ZNF43: variants seen among roughly 807,000 people sequenced by gnomAD.
ZNF43 encodes the protein zinc finger protein 39-like 1 (KOX 27).
Under a neutral mutation model 68.4 loss-of-function variants are expected in ZNF43, and 44 were observed. That is an observed-to-expected ratio of 0.64 (90% CI 0.51 to 0.83). ZNF43 has a LOEUF of 0.83. Ranked by LOEUF, ZNF43 falls within the 40% of genes least tolerant of loss-of-function variation. The pLI is 0.00. For synonymous variants in ZNF43, 308 were observed against 307.8 expected, an observed-to-expected ratio of 1.00 and a Z score of -0.01; for missense variants, 896 against 933.2, an observed-to-expected ratio of 0.96 and a Z score of 0.52.
At chr19:21,835,881 G>C (rs2038698044) in intron 1 of ZNF43, among the ~76,000 whole-genome samples, 155 bp downstream of exon 1, 1 of 152,218 alleles carries the variant, frequency 6.6e-6, no homozygotes, top group South Asian at 2.1e-4. Flanking sequence ...GCCCGGGGCT[G>C]CCTCCCAGAG....
chr19:21,832,266 A>G (rs2038457509), intron 1 of ZNF43, among the ~76,000 whole-genome samples: 3 of 152,202 alleles, frequency 2.0e-5, no homozygotes, highest in Admixed American at 2.0e-4. Context: ...CAAAGCTTAC[A>G]AGAGAAATGT....
intron 1 of ZNF43, among the ~76,000 whole-genome samples, chr19:21,822,915 T>C (rs1380188604): frequency 6.6e-6 from 1 of 152,226 alleles, no homozygotes; most frequent in East Asian, 1.9e-4. Context: ...TGTGTAATTT[T>C]AATCTTTTTT....
Position 21,809,360 on chromosome 19 carries a change from C to A in ZNF43, c.677G>T (p.Gly226Val). ...TTCTTCACATGTGTAGGGTTTCTCT[C>A]CAGTATTAATTCTCTTATGTTTAGT... ...IITKHKRINT[G>V]EKPYTCEECG... The change falls in exon 4 of 4, where the codon GGA (glycine) becomes GTA (valine). Residue 226 changes from glycine (G) to valine (V), a missense_variant. Coordinates refer to ENST00000354959, the MANE Select transcript of ZNF43 (RefSeq NM_003423.4). 6.2e-7 allele frequency: 1 copy of A among 1,613,620 alleles called. No individual in the cohort carries two copies. The highest frequency in any genetic ancestry group is 8.5e-7 in the Non-Finnish European group (1 of 1,179,866).
At chr19:21,812,003 T>C (rs2037297169) in intron 3 of ZNF43, 1 of 398,442 alleles carries the variant, frequency 2.5e-6, no homozygotes, top group Non-Finnish European at 4.4e-6. Flanking sequence ...AACTACACTA[T>C]ACCTCGAAAT....
chr19:21,851,844 C>G, intron 1 of ZNF43: 1 of 1,512,848 alleles, frequency 6.6e-7, no homozygotes, highest in Non-Finnish European at 8.9e-7. Flanking sequence ...GTGAGGAGGC[C>G]GGTCCCGCCA....
intron 1 of ZNF43, among the ~76,000 whole-genome samples, 157 bp downstream of exon 1, chr19:21,835,879 C>A (rs1022770338): frequency 6.6e-6 from 1 of 152,218 alleles, no homozygotes; most frequent in South Asian, 2.1e-4. Flanking sequence ...ACGCCCGGGG[C>A]TGCCTCCCAG....
chr19:21,840,885 C>G (rs930204522), upstream of ZNF43: 11 of 152,264 alleles, frequency 7.2e-5, no homozygotes, highest in Admixed American at 7.2e-4. Flanking sequence ...TTGGCTGGGT[C>G]TAGAGAAAAG....
intron 1 of ZNF43, among the ~76,000 whole-genome samples, chr19:21,823,370 C>G (rs2037946908): frequency 6.6e-6 from 1 of 152,208 alleles, no homozygotes; most frequent in East Asian, 1.9e-4. Context: ...TGGGTACCAT[C>G]TTACACAAGA....
intron 1 of ZNF43, among the ~76,000 whole-genome samples, chr19:21,846,210 A>G (rs1422697501): frequency 6.6e-6 from 1 of 152,204 alleles, no homozygotes; most frequent in Non-Finnish European, 1.5e-5. Context: ...GGGTCTAGCT[A>G]TGAGAGGAGA....
chr19:21,807,457 G>A lies in ZNF43; in HGVS notation c.*150C>T, dbSNP rs2036990990. The A allele has an allele frequency of 1.4e-6, 1 of 740,476 alleles. No homozygotes were observed. 45.9% of individuals were successfully genotyped at this position (740,476 alleles called of 1,614,324 possible). On this transcript the variant is annotated 3_prime_UTR_variant, in exon 4 of 4. Transcript: ENST00000354959. ...GTAAAAATTCTTTCCTGTGCAATAA[G>A]GTACGAGCATTAATTAAAAGTTTTG...
chr19:21,811,894 A>G, intron 3 of ZNF43: 1 of 386,324 alleles, frequency 2.6e-6, no homozygotes. Context: ...AAATCTTTTA[A>G]AAAGAAATAT....
chr19:21,808,205 G>A lies in ZNF43; in HGVS notation c.1832C>T (p.Thr611Ile). The A allele has an allele frequency of 6.2e-7, 1 of 1,606,730 alleles. No individual in the cohort carries two copies. Among genetic ancestry groups the A allele is most frequent in the Non-Finnish European group, 8.5e-7 (1 of 1,177,770 alleles). ...KAFTQSSNLT[T>I]HKKIHTGGKP... Reference sequence around the variant, plus strand: ...TCCTCCAGTATGAATTTTTTTATGTGTAGTAAGGTTTGAAGATTGGGTAAA... The same window carrying A: ...TCCTCCAGTATGAATTTTTTTATGTATAGTAAGGTTTGAAGATTGGGTAAA... The change falls in exon 4 of 4, where the codon ACA (threonine) becomes ATA (isoleucine). Residue 611 changes from threonine to isoleucine, a missense_variant. Thr to Ile is a moderately conservative substitution (Grantham distance 89, BLOSUM62 -1). Coordinates refer to ENST00000354959, the MANE Select transcript of ZNF43 (RefSeq NM_003423.4).
At chr19:21,836,441 T>C (rs2038745278), upstream of ZNF43, among the ~76,000 whole-genome samples, 1 of 152,238 alleles carries the variant, frequency 6.6e-6, no homozygotes, top group African/African-American at 2.4e-5. Context: ...GTGTATAAGG[T>C]CATCTTCACT....
At chr19:21,809,897 T>C in intron 3 of ZNF43, 90 bp from the exon 4 acceptor site, 1 of 1,264,542 alleles carries the variant, frequency 7.9e-7, no homozygotes, top group African/African-American at 1.5e-5. Flanking sequence ...ACAAGCTACA[T>C]AAGCAAGATG....
intron 1 of ZNF43, among the ~76,000 whole-genome samples, chr19:21,825,236 A>G (rs966348535): frequency 1.3e-5 from 2 of 152,100 alleles, no homozygotes; most frequent in African/African-American, 4.8e-5. Context: ...CTGTCTCAAA[A>G]ATCAAACAAC....
rs1414304908 is a variant in ZNF43, at chr19:21,809,020, C to T, written c.1017G>A (p.Glu339=). 6.2e-7 allele frequency: 1 copy of T among 1,612,776 alleles called. No individual in the cohort carries two copies. Among genetic ancestry groups the T allele is most frequent in the East Asian group, 2.2e-5 (1 of 44,830 alleles). The stretch of plus-strand genomic sequence containing the variant: ...CACATTCTTCACATGTGTAGGGTTT[C>T]TCTCCAGTATGAATTCTCTTATGTT... ...LTKHKRIHTG[E]KPYTCEECGK... Residue 339 remains glutamate (E), a synonymous_variant, in exon 4 of 4, where the codon GAG becomes GAA. Transcript: ENST00000354959.
intron 3 of ZNF43, among the ~76,000 whole-genome samples, chr19:21,814,668 A>T (rs1408359880): frequency 6.6e-6 from 1 of 152,014 alleles, no homozygotes; most frequent in African/African-American, 2.4e-5. Context: ...TCAGCCTCTC[A>T]AAGTGCTGGG....
rs149942735 is a variant in ZNF43, at chr19:21,811,548, A to C, written c.230-1741T>G. Among the ~76,000 whole-genome samples, 1,315 of 143,290 alleles carry C rather than the reference A, an allele frequency of 9.2e-3. 22 individuals are homozygous for C. The highest frequency in any genetic ancestry group is 0.032 in the African/African-American group (1,249 of 39,180). The allele number at this position is 143,290 out of a possible 152,430, so 94.0% of individuals were successfully genotyped here. ...AGACTCTGTCTCTAAAAAAAAAAAC[A>C]AAAAAAAAAAACTATAGCCAAGCAA... On this transcript the variant is annotated intron_variant, in intron 3 of 3. Transcript: ENST00000354959.
chr19:21,810,590 C>A (rs1599451702), intron 3 of ZNF43, among the ~76,000 whole-genome samples: 1 of 152,166 alleles, frequency 6.6e-6, no homozygotes. Flanking sequence ...AAAAGCAAGA[C>A]AATATACAAT....
Sources: gnomAD v4.1 joint callset for allele counts (sites outside exome capture counted in the v4.1 genomes callset) on GRCh38, gnomAD v4.1.1 for gene constraint, MANE v1.5 for transcripts, NCBI Gene and HGNC (gene_info 2026-07-23, HGNC 2026-07-21) for gene names.